TFB1M: variants seen among roughly 807,000 people sequenced by gnomAD.
The protein encoded by TFB1M is transcription factor B1, mitochondrial.
A neutral mutation model predicts 31.1 loss-of-function variants in TFB1M; 27 were observed. The observed-to-expected ratio is 0.87, with a 90% confidence interval of 0.64 to 1.20. The LOEUF is 1.20. TFB1M is among the 50% of genes most tolerant of loss of function. The pLI is 0.00. For synonymous variants in TFB1M, 166 were observed against 151.8 expected (o/e 1.09, Z -0.69); for missense variants, 394 against 418.7 (o/e 0.94, Z 0.51).
intron 6 of TFB1M, among the ~76,000 whole-genome samples, chr6:155,258,985 C>G (rs1784260638): frequency 6.6e-6 from 1 of 152,194 alleles, no homozygotes; most frequent in Non-Finnish European, 1.5e-5. Context: ...AGTATCTGGT[C>G]CATGTCTGTC....
the TFB1M span, chr6:155,250,020 T>C: frequency 7.1e-7 from 1 of 1,410,462 alleles, no homozygotes; most frequent in African/African-American, 1.4e-5. Context: ...GTGTGGGGTC[T>C]GTAGGTGACC....
intron 5 of TFB1M, among the ~76,000 whole-genome samples, chr6:155,274,526 A>G (rs1452606061): frequency 1.3e-5 from 2 of 152,230 alleles, no homozygotes; most frequent in Non-Finnish European, 2.9e-5. Flanking sequence ...CTACTTCTGA[A>G]TTGTTCAGAA....
Position 155,312,858 on chromosome 6 carries a change from A to G in TFB1M, c.133+1438T>C, listed in dbSNP as rs17086146. ...GTGATTTATATTTAGAATGTGGCTAATAACAAGCAGAAAAGGCTGGTACTA... is the reference window on the plus strand; with the variant it reads ...GTGATTTATATTTAGAATGTGGCTAGTAACAAGCAGAAAAGGCTGGTACTA... On this transcript the variant is annotated intron_variant, in intron 1 of 6. Transcript: ENST00000367166. Among the ~76,000 whole-genome samples the G allele has an allele frequency of 2.1e-3, 326 of 152,190 alleles. 9 individuals are homozygous for G. The East Asian group carries it at 0.051, about 24-fold the overall frequency.
the TFB1M span, among the ~76,000 whole-genome samples, chr6:155,236,588 G>A: frequency 4.6e-5 from 7 of 152,118 alleles, no homozygotes; most frequent in Non-Finnish European, 7.4e-5. Context: ...GCTTGCACCC[G>A]GGAGGCAGAG....
chr6:155,275,009 G>GAGATC (rs1442306807), intron 5 of TFB1M, among the ~76,000 whole-genome samples: 4 of 151,952 alleles, frequency 2.6e-5, no homozygotes, highest in African/African-American at 9.7e-5. Flanking sequence ...ACGAGGTCAG[G>GAGATC]AGATCGAGAC....
intron 2 of TFB1M, among the ~76,000 whole-genome samples, chr6:155,310,589 C>A (rs1050372811): frequency 6.6e-6 from 1 of 152,178 alleles, no homozygotes; most frequent in Non-Finnish European, 1.5e-5. Flanking sequence ...CTTCAACTCT[C>A]ATTTCTTATA....
the TFB1M span, among the ~76,000 whole-genome samples, chr6:155,249,076 G>C: frequency 1.3e-5 from 2 of 152,072 alleles, no homozygotes; most frequent in African/African-American, 2.4e-5. Flanking sequence ...TTTGTATTAA[G>C]ATGATCTTTA....
At chr6:155,260,682 TA>T in intron 5 of TFB1M, 3 of 471,300 alleles carry the variant, frequency 6.4e-6, no homozygotes, top group Non-Finnish European at 1.2e-5. Context: ...CACAATGGCT[TA>T]AAAATCAATC....
chr6:155,250,847 A>G, the TFB1M span: 18 of 1,490,858 alleles, frequency 1.2e-5, no homozygotes, highest in South Asian at 2.3e-5. Context: ...GTACATCACT[A>G]TCTAACAAGA....
intron 5 of TFB1M, among the ~76,000 whole-genome samples, chr6:155,274,227 C>G (rs1785067044): frequency 6.6e-6 from 1 of 152,146 alleles, no homozygotes; most frequent in African/African-American, 2.4e-5. Flanking sequence ...TCAAAATTAA[C>G]TCAGAATGAC....
intron 5 of TFB1M, among the ~76,000 whole-genome samples, chr6:155,271,037 GAA>G: frequency 6.6e-6 from 1 of 152,138 alleles, no homozygotes; most frequent in East Asian, 1.9e-4. Context: ...TAGAAAAGAG[GAA>G]AAAGAGTATC....
chr6:155,256,445 G>A lies in TFB1M; in HGVS notation c.*1391C>T. The stretch of plus-strand genomic sequence containing the variant: ...GCAAACATTACACATTGTGTAACCT[G>A]TTTCTGTATCACAGCGAAATGTGTT... On this transcript the variant is annotated 3_prime_UTR_variant, in exon 7 of 7. Coordinates refer to ENST00000367166, the MANE Select transcript of TFB1M (RefSeq NM_016020.4). 1 of 1,613,494 alleles carries A rather than the reference G, an allele frequency of 6.2e-7. No homozygotes were observed. Among genetic ancestry groups the A allele is most frequent in the African/African-American group, 1.3e-5 (1 of 75,060 alleles).
At chr6:155,310,488 A>C (rs912926841) in intron 2 of TFB1M, among the ~76,000 whole-genome samples, 4 of 152,204 alleles carry the variant, frequency 2.6e-5, no homozygotes, top group Non-Finnish European at 5.9e-5. Flanking sequence ...AGATCAAAAC[A>C]AGCTTATCCT....
chr6:155,262,198 G>A (rs1449444649), intron 5 of TFB1M, among the ~76,000 whole-genome samples: 1 of 152,112 alleles, frequency 6.6e-6, no homozygotes, highest in East Asian at 1.9e-4. Flanking sequence ...AAGAAAGGTG[G>A]TTTCAGCTCA....
At chr6:155,294,989 G>A (rs78514183) in intron 4 of TFB1M, among the ~76,000 whole-genome samples, 39 of 152,296 alleles carry the variant, frequency 2.6e-4, no homozygotes, top group Admixed American at 1.5e-3. Flanking sequence ...CATAAGCAAC[G>A]TCAGTGAATC....
intron 6 of TFB1M, among the ~76,000 whole-genome samples, chr6:155,259,639 T>G (rs912720): frequency 0.078 from 11,935 of 152,320 alleles, 579 homozygotes; most frequent in Non-Finnish European, 0.099. Context: ...GATGGAAATC[T>G]TTTACAAATA....
At chr6:155,233,969 A>C in the TFB1M span, among the ~76,000 whole-genome samples, 9,944 of 147,084 alleles carry the variant, frequency 0.068, 524 homozygotes, top group East Asian at 0.28. Context: ...TCTCAAAAAA[A>C]CAAAACAAAA....
the TFB1M span, chr6:155,250,647 T>C: frequency 6.5e-7 from 1 of 1,533,338 alleles, no homozygotes; most frequent in African/African-American, 1.4e-5. Flanking sequence ...TTATGGAAAC[T>C]GAGTTGGTCA....
At chr6:155,281,721 CAAAAAAAAAAAAAAAAA>C (rs1217317032) in intron 5 of TFB1M, among the ~76,000 whole-genome samples, 3 of 63,236 alleles carry the variant, frequency 4.7e-5, no homozygotes, top group South Asian at 1.6e-3. Flanking sequence ...GACTCTGTCT[CAAAAAAAAAAAAAAAAA>C]AAAAAAAATA....
Sources: gnomAD v4.1 joint callset for allele counts (sites outside exome capture counted in the v4.1 genomes callset) on GRCh38, gnomAD v4.1.1 for gene constraint, MANE v1.5 for transcripts, NCBI Gene and HGNC (gene_info 2026-07-23, HGNC 2026-07-21) for gene names.